Variants in SLC37A2 observed in about 807,000 individuals in gnomAD.
The protein encoded by SLC37A2 is glucose-6-phosphate exchanger SLC37A2.
SLC37A2 carries 59 observed loss-of-function variants against 70.7 expected under a neutral mutation model. The observed-to-expected ratio is 0.83, with a 90% confidence interval of 0.68 to 1.04. The LOEUF (loss-of-function observed/expected upper bound fraction) is 1.04. Among genes scored for constraint, SLC37A2 ranks in the 50% least tolerant of loss-of-function variants. SLC37A2 has a pLI of 0.00. For synonymous variants in SLC37A2, 257 were observed against 262.1 expected, an observed-to-expected ratio of 0.98 and a Z score of 0.19; for missense variants, 580 against 658.1, an observed-to-expected ratio of 0.88 and a Z score of 1.30.
At chr11:125,086,276 G>A (rs777546018) in intron 17 of SLC37A2, 25 of 1,594,674 alleles carry the variant, frequency 1.6e-5, no homozygotes, top group Non-Finnish European at 2.0e-5. Context: ...TATTTACTTC[G>A]AGTCTGTGAC....
At chr11:125,081,989 A>G in intron 9 of SLC37A2, 83 bp downstream of exon 9, 5 of 1,468,532 alleles carry the variant, frequency 3.4e-6, no homozygotes, top group Non-Finnish European at 3.7e-6. Flanking sequence ...TGCTTGGGTG[A>G]TCTATTTTTC....
intron 2 of SLC37A2, 88 bp from the exon 3 acceptor site, chr11:125,077,142 A>G: frequency 9.7e-7 from 1 of 1,029,626 alleles, no homozygotes. Context: ...ATCTGGTAGG[A>G]GGCAGTGTCT....
Position 125,076,793 on chromosome 11 carries a change from T to G in SLC37A2, c.96T>G (p.Ile32Met). Residue 32 changes from isoleucine (I) to methionine (M), a missense_variant, in exon 2 of 18, where the codon ATT becomes ATG. Physicochemically the swap from Ile to Met is conservative, Grantham distance 10. Coordinates refer to ENST00000403796, the MANE Select transcript of SLC37A2 (RefSeq NM_001145290.2). ...RGLILLLTFLIYACYHMSRKP... is the reference protein window; with the variant it reads ...RGLILLLTFLMYACYHMSRKP... ...TCATCCTGCTGCTGACCTTCCTAAT[T>G]TACGCCTGCTATCACATGTCCAGGA... is the stretch of plus-strand genomic sequence containing the variant. 1.9e-6 allele frequency: 3 copies of G among 1,614,096 alleles called. No individual in the cohort carries two copies. In the South Asian group the frequency reaches 3.3e-5, roughly 18 times the overall value.
At chr11:125,085,783 G>C (rs898374346) in intron 16 of SLC37A2, 109 bp downstream of exon 16, 2 of 1,325,026 alleles carry the variant, frequency 1.5e-6, no homozygotes, top group East Asian at 2.3e-5. Context: ...GGCAATGAGA[G>C]CAGCTGCCCT....
At chr11:125,064,966 A>T (rs1443059285) in intron 1 of SLC37A2, among the ~76,000 whole-genome samples, 4 of 152,368 alleles carry the variant, frequency 2.6e-5, no homozygotes, top group African/African-American at 7.2e-5. Flanking sequence ...ATTTTACCAC[A>T]ATTTTAAAAA....
Position 125,083,867 on chromosome 11 carries a change from T to C in SLC37A2, c.1029T>C (p.Gly343=), listed in dbSNP as rs746783775. The C allele has an allele frequency of 2.5e-6, 4 of 1,614,164 alleles. No individual in the cohort carries two copies. The South Asian group carries it at 4.4e-5, about 18-fold the overall frequency. The change falls in exon 11 of 18, where the codon GGT becomes GGC. Residue 343 remains glycine (G), a synonymous_variant. Coordinates refer to ENST00000403796, the MANE Select transcript of SLC37A2 (RefSeq NM_001145290.2). This position sits in a 1 kb window ranked among gnomAD's most constrained non-coding sequence, Gnocchi z 4.6. The part of the protein sequence containing the change: ...AGDLSTLFDV[G]GIIGGIVAGL... ...ACCTGTCTACACTCTTCGATGTTGGTGGCATCATAGGTGAGGCCTTGCCCT... is the reference window on the plus strand; with the variant it reads ...ACCTGTCTACACTCTTCGATGTTGGCGGCATCATAGGTGAGGCCTTGCCCT...
intron 1 of SLC37A2, among the ~76,000 whole-genome samples, chr11:125,076,105 G>A (rs1949084502): frequency 6.6e-6 from 1 of 152,134 alleles, no homozygotes; most frequent in South Asian, 2.1e-4. Flanking sequence ...CCGGGCCAGG[G>A]CATGGGATGA....
intron 17 of SLC37A2, chr11:125,087,013 T>TCCTGCCCTGC (rs371966306): frequency 0.014 from 2,153 of 154,938 alleles, 22 homozygotes; most frequent in Middle Eastern, 0.045. Context: ...AGAGCACCTG[T>TCCTGCCCTGC]CCTGCCCTGC....
chr11:125,067,258 C>T (rs1591625977), intron 1 of SLC37A2, among the ~76,000 whole-genome samples: 1 of 152,142 alleles, frequency 6.6e-6, no homozygotes, highest in Non-Finnish European at 1.5e-5. Context: ...TCCCAAAGCA[C>T]CAGGATTGCA....
At chr11:125,078,329 G>A (rs769368164) in intron 4 of SLC37A2, among the ~76,000 whole-genome samples, 2 of 152,232 alleles carry the variant, frequency 1.3e-5, no homozygotes, top group African/African-American at 2.4e-5. Flanking sequence ...AAGGGTTTTC[G>A]CCAGGGCGTC....
At position 125,080,626 on chromosome 11, in the gene SLC37A2, C is replaced by A; in HGVS notation, c.540C>A (p.Ile180=). ...NWFGKGKRGF[I]MGIWNSHTSV... ...CCCTCCCTTCCAGGCGGGGGTTCAT[C>A]ATGGGCATCTGGAATTCCCACACAT... Residue 180 remains isoleucine, a synonymous_variant, in exon 7 of 18, where the codon ATC becomes ATA. Transcript: ENST00000403796. The surrounding 1 kb of genome is among the most constrained non-coding windows in gnomAD (Gnocchi z 4.3). 1 of 1,511,278 alleles carries A rather than the reference C, an allele frequency of 6.6e-7. No homozygotes were observed. The highest frequency in any genetic ancestry group is 8.9e-7 in the Non-Finnish European group (1 of 1,126,276). 93.6% of individuals were successfully genotyped at this position (1,511,278 alleles called of 1,614,324 possible). A position where few individuals can be genotyped will look rare whatever the true frequency, so the allele number is the denominator to read the frequency against.
chr11:125,086,403 A>G, intron 17 of SLC37A2: 1 of 735,812 alleles, frequency 1.4e-6, no homozygotes, highest in Middle Eastern at 2.7e-4. Flanking sequence ...TCAGCAGAGC[A>G]TGGTGCTTGG....
intron 17 of SLC37A2, chr11:125,087,287 T>G (rs6590125): frequency 0.68 from 103,076 of 152,334 alleles, 35,582 homozygotes; most frequent in African/African-American, 0.81. Context: ...GGGCCTGGGG[T>G]TTGTTTGCTT....
Position 125,089,615 on chromosome 11 carries a change from G to C in SLC37A2, c.*1481G>C, listed in dbSNP as rs932125948. The stretch of plus-strand genomic sequence containing the variant: ...GCAGCCGGCCGGCCCTTCCGGCCCC[G>C]GGCAGTGAGGGACTTGGCACCCGGG... On this transcript the variant is annotated 3_prime_UTR_variant, in exon 18 of 18. Transcript: ENST00000403796. 1 of 153,172 alleles carries C rather than the reference G, an allele frequency of 6.5e-6. No individual in the cohort carries two copies. Among genetic ancestry groups the C allele is most frequent in the Non-Finnish European group, 1.5e-5 (1 of 68,820 alleles). 9.5% of individuals were successfully genotyped at this position (153,172 alleles called of 1,614,324 possible).
At chr11:125,077,017 T>G (rs1949094537) in intron 2 of SLC37A2, among the ~76,000 whole-genome samples, 179 bp downstream of exon 2, 1 of 152,108 alleles carries the variant, frequency 6.6e-6, no homozygotes, top group Non-Finnish European at 1.5e-5. Flanking sequence ...TGGCTGTGGA[T>G]GGAATAAGCG....
intron 1 of SLC37A2, among the ~76,000 whole-genome samples, chr11:125,064,214 G>A (rs1051804783): frequency 6.6e-6 from 1 of 152,128 alleles, no homozygotes; most frequent in African/African-American, 2.4e-5. Flanking sequence ...AGACGACGTG[G>A]ACCGGGCATG....
chr11:125,063,544 G>C lies in SLC37A2; in HGVS notation c.59+118G>C, dbSNP rs1289796626. The C allele has an allele frequency of 1.1e-6, 1 of 920,288 alleles. No homozygotes were observed. The highest frequency in any genetic ancestry group is 3.0e-5 in the East Asian group (1 of 33,676). 57.0% of individuals were successfully genotyped at this position (920,288 alleles called of 1,614,324 possible). On this transcript the variant is annotated intron_variant, in intron 1 of 17. Transcript: ENST00000403796. The surrounding 1 kb of genome is among the most constrained non-coding windows in gnomAD (Gnocchi z 5.4). ...CCCCGGCGTCGCCGCGTGGCCAGGGGTGCTGGGGGGACTTGGTCCCGAGCT... is the reference window on the plus strand; with the variant it reads ...CCCCGGCGTCGCCGCGTGGCCAGGGCTGCTGGGGGGACTTGGTCCCGAGCT...
chr11:125,072,664 A>G (rs1949041166), intron 1 of SLC37A2, among the ~76,000 whole-genome samples: 1 of 152,212 alleles, frequency 6.6e-6, no homozygotes, highest in Non-Finnish European at 1.5e-5. Context: ...CGGGTTCTAA[A>G]CATGGAAGGA....
At chr11:125,077,557 AGAG>A (rs2135568498) in intron 4 of SLC37A2, 29 bp downstream of exon 4, 1 of 1,585,500 alleles carries the variant, frequency 6.3e-7, no homozygotes, top group South Asian at 1.1e-5. Flanking sequence ...CCTATGACCA[AGAG>A]GAGGATGGTT....
Sources: allele counts gnomAD v4.1 joint callset (sites outside exome capture counted in the v4.1 genomes callset), GRCh38; gene constraint gnomAD v4.1.1; non-coding constraint Gnocchi (gnomAD v3.1); transcripts MANE v1.5; gene names NCBI Gene and HGNC (gene_info 2026-07-23, HGNC 2026-07-21).